Variants in SCAMP4 observed in about 807,000 individuals in gnomAD.
The protein encoded by SCAMP4 is secretory carrier membrane protein 4.
Under a neutral mutation model 32.1 loss-of-function variants are expected in SCAMP4, and 19 were observed. That is an observed-to-expected ratio of 0.59 (90% CI 0.41 to 0.87). SCAMP4 has a LOEUF of 0.87. Ranked by LOEUF, SCAMP4 falls within the 40% of genes least tolerant of loss-of-function variation. SCAMP4 has a pLI of 0.00. For synonymous variants in SCAMP4, 152 were observed against 132.7 expected (o/e 1.15, Z -1.00); for missense variants, 302 against 309.0 (o/e 0.98, Z 0.17).
Position 1,917,725 on chromosome 19 carries a change from G to A in SCAMP4, c.39G>A (p.Lys13=), listed in dbSNP as rs931695419. ...EKENNFPPLP[K]FIPVKPCFYQ... ...AGAACAACTTCCCGCCACTGCCCAA[G>A]TTCATCCCTGTGAAGCCCTGCTTCT... Residue 13 remains lysine, a synonymous_variant, in exon 3 of 7, where the codon AAG becomes AAA. Coordinates refer to ENST00000316097, the MANE Select transcript of SCAMP4 (RefSeq NM_079834.4). 1 of 1,614,048 alleles carries A rather than the reference G, an allele frequency of 6.2e-7. No individual in the cohort carries two copies. Among genetic ancestry groups the A allele is most frequent in the Non-Finnish European group, 8.5e-7 (1 of 1,179,900 alleles).
At position 1,924,335 on chromosome 19, in the gene SCAMP4, G is replaced by C. The variant is rs1233334950; in HGVS notation, c.*51G>C. ...CCACCACCTCCTCCCCTTCATTCCT[G>C]CTGCTACCCCTGGTCCCGAGGGCTG... On this transcript the variant is annotated 3_prime_UTR_variant, in exon 7 of 7. Coordinates refer to ENST00000316097, the MANE Select transcript of SCAMP4 (RefSeq NM_079834.4). 1.3e-6 allele frequency: 2 copies of C among 1,509,670 alleles called. No homozygotes were observed. The highest frequency in any genetic ancestry group is 2.8e-5 in the African/African-American group (2 of 72,584). The allele number at this position is 1,509,670 out of a possible 1,614,324, so 93.5% of individuals were successfully genotyped here.
intron 5 of SCAMP4, 157 bp from the exon 6 acceptor site, chr19:1,922,913 T>G (rs1239461118): frequency 1.7e-5 from 23 of 1,347,542 alleles, no homozygotes; most frequent in Non-Finnish European, 2.1e-5. Context: ...CCTCTCAGTA[T>G]CGCTTTATGT....
intron 5 of SCAMP4, chr19:1,919,369 C>T (rs2013845270): frequency 1.0e-6 from 1 of 985,290 alleles, no homozygotes; most frequent in Non-Finnish European, 1.2e-6. Flanking sequence ...AAGACCTGTA[C>T]ATCTGTAAAA....
intron 6 of SCAMP4, 45 bp from the exon 7 acceptor site, chr19:1,924,063 A>T (rs1204198487): frequency 4.6e-6 from 7 of 1,516,904 alleles, no homozygotes; most frequent in Non-Finnish European, 5.3e-6. Context: ...CCCGGCCGCC[A>T]TGCTCATTTT....
At chr19:1,914,900 T>C in intron 1 of SCAMP4, 79 bp from the exon 2 acceptor site, 1 of 1,243,174 alleles carries the variant, frequency 8.0e-7, no homozygotes. Context: ...TGAAGGGCTT[T>C]TCAGCCACGG....
In SCAMP4 at chr19:1,921,692, AAG is replaced by A. The variant is rs57937278; in HGVS notation, c.396-1375_396-1374del. ...AGAGGTTTACTTTTTTAAAAAATAA[AAG>A]AGGCCAGGCATGGTGGCTGACGCCT... On this transcript the variant is annotated intron_variant, in intron 5 of 6. Coordinates refer to ENST00000316097, the MANE Select transcript of SCAMP4 (RefSeq NM_079834.4). 184 of 985,396 alleles carry A rather than the reference AAG, an allele frequency of 1.9e-4. 1 individual carries two copies. The African/African-American group carries it at 3.1e-3, about 17-fold the overall frequency. 61.0% of individuals were successfully genotyped at this position (985,396 alleles called of 1,614,324 possible). A position where few individuals can be genotyped will look rare whatever the true frequency, so the allele number is the denominator to read the frequency against.
chr19:1,922,628 A>T, intron 5 of SCAMP4: 1 of 986,038 alleles, frequency 1.0e-6, no homozygotes, highest in Non-Finnish European at 1.2e-6. Context: ...TGTAGGTTTC[A>T]GCAGTTCCCA....
At chr19:1,913,446 A>G in intron 1 of SCAMP4, 1 of 506,542 alleles carries the variant, frequency 2.0e-6, no homozygotes, top group Non-Finnish European at 3.6e-6. Context: ...GCCCAAAACC[A>G]AGTGGGTGTC....
intron 1 of SCAMP4, among the ~76,000 whole-genome samples, chr19:1,911,610 A>G (rs765718165): frequency 6.6e-6 from 1 of 152,090 alleles, no homozygotes; most frequent in East Asian, 1.9e-4. Flanking sequence ...GTGAAATCCC[A>G]TCTCTACTAA....
intron 1 of SCAMP4, among the ~76,000 whole-genome samples, chr19:1,907,459 C>G (rs1276648874): frequency 6.6e-6 from 1 of 151,482 alleles, no homozygotes; most frequent in Non-Finnish European, 1.5e-5. Context: ...TTGGAGGAGT[C>G]AGGACTGGTG....
In SCAMP4 at chr19:1,915,763, G is replaced by A. The variant is rs567574184; in HGVS notation, c.7+737G>A. On this transcript the variant is annotated intron_variant, in intron 2 of 6. Transcript: ENST00000316097. The stretch of plus-strand genomic sequence containing the variant: ...AGATCGAGACCATCCTGGCTAACAC[G>A]GTGAAACCCCGTCTCTACTAAAAAT... Among the ~76,000 whole-genome samples the A allele has an allele frequency of 3.3e-5, 5 of 151,376 alleles. No individual in the cohort carries two copies. In the South Asian group the frequency reaches 6.3e-4, roughly 19 times the overall value.
chr19:1,918,344 C>T lies in SCAMP4; in HGVS notation c.293+61C>T, dbSNP rs546539930. The stretch of plus-strand genomic sequence containing the variant: ...GGGAACCAGGGCCCACTCTGCACCC[C>T]AGTCCCAGCCCAGCTGTGAGGAGCT... On this transcript the variant is annotated intron_variant, in intron 4 of 6. Coordinates refer to ENST00000316097, the MANE Select transcript of SCAMP4 (RefSeq NM_079834.4). 156 of 1,467,724 alleles carry T rather than the reference C, an allele frequency of 1.1e-4. No homozygotes were observed. In the African/African-American group the frequency reaches 2.0e-3, roughly 19 times the overall value. The allele number at this position is 1,467,724 out of a possible 1,614,324, so 90.9% of individuals were successfully genotyped here. A position where few individuals can be genotyped will look rare whatever the true frequency, so the allele number is the denominator to read the frequency against.
intron 5 of SCAMP4, chr19:1,921,323 C>T: frequency 2.0e-6 from 2 of 985,434 alleles, no homozygotes; most frequent in Non-Finnish European, 2.4e-6. Flanking sequence ...AGGCCATGAG[C>T]CACGGCAGCA....
intron 5 of SCAMP4, 29 bp from the exon 6 acceptor site, chr19:1,923,041 G>T: frequency 1.3e-6 from 2 of 1,514,342 alleles, no homozygotes; most frequent in African/African-American, 1.4e-5. Context: ...AGGTGTGCAG[G>T]CACCCACGCA....
chr19:1,905,991 C>T (rs533664101), intron 1 of SCAMP4: 3 of 152,198 alleles, frequency 2.0e-5, no homozygotes, highest in Non-Finnish European at 2.9e-5. Flanking sequence ...CACACTACCC[C>T]GAGGACCGAG....
At chr19:1,918,091 C>A (rs376345428) in intron 3 of SCAMP4, 36 bp from the exon 4 acceptor site, 1 of 1,585,122 alleles carries the variant, frequency 6.3e-7, no homozygotes. Flanking sequence ...CACACCCTCC[C>A]GTGCCTGCTC....
intron 5 of SCAMP4, chr19:1,920,738 T>C (rs1445611265): frequency 1.0e-6 from 1 of 985,442 alleles, no homozygotes; most frequent in Non-Finnish European, 1.2e-6. Flanking sequence ...GGCCCTTCCC[T>C]GGGCTCCAGT....
chr19:1,917,638 G>C, intron 2 of SCAMP4, 56 bp from the exon 3 acceptor site: 2 of 1,608,092 alleles, frequency 1.2e-6, no homozygotes, highest in Non-Finnish European at 1.7e-6. Flanking sequence ...GGATGAGGTG[G>C]GGCCTCCTTC....
intron 3 of SCAMP4, 105 bp downstream of exon 3, chr19:1,917,927 G>A (rs1568770966): frequency 2.0e-6 from 3 of 1,467,804 alleles, no homozygotes; most frequent in South Asian, 2.5e-5. Flanking sequence ...ACCGTCTACT[G>A]AAGCCGTCCT....
Sources: allele counts gnomAD v4.1 joint callset (sites outside exome capture counted in the v4.1 genomes callset), GRCh38; gene constraint gnomAD v4.1.1; transcripts MANE v1.5; gene names NCBI Gene and HGNC (gene_info 2026-07-23, HGNC 2026-07-21).